The following CPNE8 variants were observed in gnomAD, a reference collection of about 807,000 sequenced individuals.
CPNE8 encodes copine 8.
A neutral mutation model predicts 81.5 loss-of-function variants in CPNE8; 45 were observed. The ratio of observed to expected loss-of-function variants is 0.55; its 90% CI spans 0.44 to 0.71. The LOEUF is 0.71. Among genes scored for constraint, CPNE8 ranks in the 30% least tolerant of loss-of-function variants. The pLI is 0.00. For missense variants in CPNE8, 594 were observed against 672.1 expected (o/e 0.88, Z 1.28); for synonymous variants, 252 against 226.3 (o/e 1.11, Z -1.02).
chr12:38,761,127 C>A lies in CPNE8; in HGVS notation c.681-239G>T, dbSNP rs149784117. Reference sequence around the variant, plus strand: ...GAGTAAGGAGAGTCTACAGGGGAAGCATGTGCAGTTTGACAGAGCTCCTCA... The same window carrying A: ...GAGTAAGGAGAGTCTACAGGGGAAGAATGTGCAGTTTGACAGAGCTCCTCA... On this transcript the variant is annotated intron_variant, in intron 9 of 19. Transcript: ENST00000331366. Among the ~76,000 whole-genome samples the A allele has an allele frequency of 5.9e-3, 891 of 152,270 alleles. 4 individuals carry two copies. Among genetic ancestry groups the A allele is most frequent in the Non-Finnish European group, 7.8e-3 (529 of 68,020 alleles).
chr12:38,660,062 G>A (rs1276862778), intron 19 of CPNE8, among the ~76,000 whole-genome samples: 2 of 152,166 alleles, frequency 1.3e-5, no homozygotes, highest in Non-Finnish European at 2.9e-5. Context: ...TAGATTCAAT[G>A]CCATCCCCAT....
intron 18 of CPNE8, among the ~76,000 whole-genome samples, chr12:38,673,428 G>A (rs531613037): frequency 1.3e-5 from 2 of 152,192 alleles, no homozygotes; most frequent in East Asian, 1.9e-4. Context: ...TCTGATAGGA[G>A]AGCAACAATT....
chr12:38,798,530 A>G (rs1018939110), intron 6 of CPNE8, among the ~76,000 whole-genome samples: 1 of 152,166 alleles, frequency 6.6e-6, no homozygotes, highest in Admixed American at 6.5e-5. Context: ...GGCCTGCCCT[A>G]AAAGAGCTCC....
At chr12:38,833,945 C>T (rs1943341615) in intron 5 of CPNE8, among the ~76,000 whole-genome samples, 1 of 152,054 alleles carries the variant, frequency 6.6e-6, no homozygotes, top group Non-Finnish European at 1.5e-5. Flanking sequence ...AAAGCAAGAA[C>T]AAAGTCCCTG....
rs773003651 is a variant in CPNE8, at chr12:38,677,409, T to C, written c.1374+43A>G. On this transcript the variant is annotated intron_variant, in intron 17 of 19. Coordinates refer to ENST00000331366, the MANE Select transcript of CPNE8 (RefSeq NM_153634.3). ...TCTAGTCTCTCTCTAAGTAGCACCA[T>C]GTTGTCACGTAGCGAGCCCAATACG... 6 of 1,010,668 alleles carry C rather than the reference T, an allele frequency of 5.9e-6. No homozygotes were observed. The East Asian group carries it at 9.5e-5, about 16-fold the overall frequency. The allele number at this position is 1,010,668 out of a possible 1,614,324, so 62.6% of individuals were successfully genotyped here. A position where few individuals can be genotyped will look rare whatever the true frequency, so the allele number is the denominator to read the frequency against.
At chr12:38,725,527 A>T (rs1030558202) in intron 11 of CPNE8, among the ~76,000 whole-genome samples, 6 of 152,226 alleles carry the variant, frequency 3.9e-5, no homozygotes, top group African/African-American at 1.4e-4. Flanking sequence ...AATGGGATAA[A>T]CGTAATACAT....
Position 38,652,829 on chromosome 12 carries a change from TG to T in CPNE8, c.*1052del, listed in dbSNP as rs757153448. On this transcript the variant is annotated 3_prime_UTR_variant, in exon 20 of 20. Coordinates refer to ENST00000331366, the MANE Select transcript of CPNE8 (RefSeq NM_153634.3). ...GGAGTAGGTTATTTCACAAATGTGT[TG>T]TGCACTAAGTCACATAGTTGTATAT... is the stretch of plus-strand genomic sequence containing the variant. The T allele has an allele frequency of 1.3e-5, 2 of 152,646 alleles. No individual in the cohort carries two copies. The highest frequency in any genetic ancestry group is 2.9e-5 in the Non-Finnish European group (2 of 68,038). 9.5% of individuals were successfully genotyped at this position (152,646 alleles called of 1,614,324 possible). A position where few individuals can be genotyped will look rare whatever the true frequency, so the allele number is the denominator to read the frequency against.
chr12:38,782,097 A>G (rs1293230297), intron 6 of CPNE8, among the ~76,000 whole-genome samples: 1 of 152,164 alleles, frequency 6.6e-6, no homozygotes, highest in Non-Finnish European at 1.5e-5. Flanking sequence ...TAGTTGTGAC[A>G]AATGTATTAA....
chr12:38,810,930 C>T (rs529214610), intron 6 of CPNE8, among the ~76,000 whole-genome samples: 77 of 152,210 alleles, frequency 5.1e-4, no homozygotes, highest in Admixed American at 9.8e-4. Context: ...TTAGACTTCC[C>T]CACCTACTGC....
At chr12:38,691,945 A>G (rs535444047) in intron 15 of CPNE8, among the ~76,000 whole-genome samples, 1 of 152,160 alleles carries the variant, frequency 6.6e-6, no homozygotes, top group African/African-American at 2.4e-5. Flanking sequence ...TCTGGAGAGG[A>G]CAGACTGAAA....
intron 13 of CPNE8, among the ~76,000 whole-genome samples, chr12:38,704,826 G>GTATATATATATATATATATATA: frequency 2.0e-5 from 1 of 50,194 alleles, no homozygotes; most frequent in African/African-American, 4.6e-5. Context: ...GTATGTATGT[G>GTATATATATATATATATATATA]TATATATATA....
chr12:38,782,329 A>C (rs940402874), intron 6 of CPNE8, among the ~76,000 whole-genome samples: 3 of 152,176 alleles, frequency 2.0e-5, no homozygotes, highest in Non-Finnish European at 4.4e-5. Context: ...TTCTTAATTA[A>C]ATTTTAGAAG....
chr12:38,802,834 G>C (rs1050265731), intron 6 of CPNE8, among the ~76,000 whole-genome samples: 32 of 140,256 alleles, frequency 2.3e-4, no homozygotes, highest in Admixed American at 1.9e-3. Flanking sequence ...TATCACCACC[G>C]ATCCCACAGA....
At chr12:38,894,129 A>G (rs1434310430) in intron 1 of CPNE8, among the ~76,000 whole-genome samples, 1 of 152,176 alleles carries the variant, frequency 6.6e-6, no homozygotes, top group South Asian at 2.1e-4. Context: ...GTGAAGTGGC[A>G]TGATTGTCAA....
chr12:38,887,721 C>A (rs1334558856), intron 1 of CPNE8, among the ~76,000 whole-genome samples: 1 of 152,154 alleles, frequency 6.6e-6, no homozygotes, highest in Non-Finnish European at 1.5e-5. Context: ...AACAGAAGCA[C>A]AAGGAAACTA....
intron 5 of CPNE8, among the ~76,000 whole-genome samples, chr12:38,831,369 C>G (rs537108284): frequency 2.2e-4 from 34 of 152,188 alleles, no homozygotes; most frequent in African/African-American, 7.9e-4. Flanking sequence ...TACTCAAGTG[C>G]CTATTTGCAG....
intron 16 of CPNE8, among the ~76,000 whole-genome samples, chr12:38,681,894 A>T (rs1939415837): frequency 6.6e-6 from 1 of 152,156 alleles, no homozygotes; most frequent in Non-Finnish European, 1.5e-5. Context: ...ACATTTCCAT[A>T]GGTCATTAAG....
intron 18 of CPNE8, among the ~76,000 whole-genome samples, chr12:38,672,529 GGTGTAT>G (rs1319287914): frequency 6.6e-6 from 1 of 152,128 alleles, no homozygotes; most frequent in Non-Finnish European, 1.5e-5. Flanking sequence ...TTCCTGGAAA[GGTGTAT>G]GAGACAGATT....
chr12:38,663,356 A>C (rs1259387005), intron 19 of CPNE8, among the ~76,000 whole-genome samples: 1 of 152,152 alleles, frequency 6.6e-6, no homozygotes, highest in Non-Finnish European at 1.5e-5. Context: ...ACCTAAATAG[A>C]TATTTCTCAA....
Sources: gnomAD v4.1 joint callset for allele counts (sites outside exome capture counted in the v4.1 genomes callset) on GRCh38, gnomAD v4.1.1 for gene constraint, MANE v1.5 for transcripts, NCBI Gene and HGNC (gene_info 2026-07-23, HGNC 2026-07-21) for gene names.